Variants in ASTN2 observed in about 807,000 individuals in gnomAD.
ASTN2 encodes astrotactin-2.
ASTN2 carries 54 observed loss-of-function variants against 139.8 expected under a neutral mutation model. That is an observed-to-expected ratio of 0.39 (90% CI 0.31 to 0.48). The LOEUF (loss-of-function observed/expected upper bound fraction) is 0.48, where lower values mean the gene tolerates loss of function less well. Ranked by LOEUF, ASTN2 falls within the 20% of genes least tolerant of loss-of-function variation. ASTN2 has a pLI of 0.95. For missense variants in ASTN2, 1,565 were observed against 1,725.1 expected, an observed-to-expected ratio of 0.91 and a Z score of 1.64; for synonymous variants, 756 against 719.5, an observed-to-expected ratio of 1.05 and a Z score of -0.81.
At chr9:117,285,358 C>T (rs1834423182) in intron 2 of ASTN2, among the ~76,000 whole-genome samples, 1 of 146,654 alleles carries the variant, frequency 6.8e-6, no homozygotes, top group African/African-American at 2.5e-5. Flanking sequence ...GGCAGGTAAA[C>T]CATTCCATGA....
chr9:117,268,845 C>CT (rs1187417474), intron 2 of ASTN2, among the ~76,000 whole-genome samples: 1 of 152,188 alleles, frequency 6.6e-6, no homozygotes, highest in East Asian at 1.9e-4. Flanking sequence ...CTAATAAACT[C>CT]TGTTGACCAA....
At chr9:116,536,372 C>T (rs1044385692) in intron 19 of ASTN2, among the ~76,000 whole-genome samples, 23 of 152,122 alleles carry the variant, frequency 1.5e-4, no homozygotes, top group Non-Finnish European at 2.5e-4. Flanking sequence ...AGTCTTTCTC[C>T]GTCCAGCTTT....
chr9:117,039,179 A>G (rs1026898764), intron 6 of ASTN2, among the ~76,000 whole-genome samples: 5 of 152,152 alleles, frequency 3.3e-5, no homozygotes, highest in African/African-American at 9.7e-5. Flanking sequence ...ATCGTTGCTC[A>G]TAAGTTAAAA....
intron 6 of ASTN2, 58 bp downstream of exon 6, chr9:117,039,761 C>A: frequency 2.0e-6 from 3 of 1,531,246 alleles, no homozygotes; most frequent in South Asian, 2.6e-5. Flanking sequence ...AACCTTTGAC[C>A]AGTCAGGGGT....
intron 20 of ASTN2, among the ~76,000 whole-genome samples, chr9:116,452,162 C>G (rs2118924970): frequency 6.6e-6 from 1 of 152,276 alleles, no homozygotes. Context: ...CACAGAATGC[C>G]CAATTATTCT....
intron 19 of ASTN2, among the ~76,000 whole-genome samples, chr9:116,530,812 T>C (rs1053251612): frequency 6.6e-6 from 1 of 152,170 alleles, no homozygotes; most frequent in Non-Finnish European, 1.5e-5. Context: ...CCTCTCATGA[T>C]TTGAATTGCC....
At chr9:117,084,677 G>T (rs1033174348) in intron 5 of ASTN2, among the ~76,000 whole-genome samples, 2 of 152,176 alleles carry the variant, frequency 1.3e-5, no homozygotes, top group Admixed American at 1.3e-4. Context: ...CCTTATAATG[G>T]TTATCTAAGT....
intron 1 of ASTN2, among the ~76,000 whole-genome samples, chr9:117,347,669 A>T (rs545401853): frequency 1.3e-5 from 2 of 152,300 alleles, no homozygotes; most frequent in South Asian, 2.1e-4. Context: ...TTTTTCTGAA[A>T]ATCAGAAATA....
intron 11 of ASTN2, among the ~76,000 whole-genome samples, chr9:116,828,832 T>C (rs1328859928): frequency 6.6e-6 from 1 of 151,986 alleles, no homozygotes; most frequent in Non-Finnish European, 1.5e-5. Context: ...AGTTTCAAGA[T>C]AAAAAATAAG....
At chr9:117,140,418 T>A (rs1421095942) in intron 4 of ASTN2, among the ~76,000 whole-genome samples, 1 of 151,896 alleles carries the variant, frequency 6.6e-6, no homozygotes, top group Non-Finnish European at 1.5e-5. Context: ...GACTACTAGT[T>A]TTTCTATCTA....
chr9:116,859,959 C>T (rs544156048), intron 11 of ASTN2, among the ~76,000 whole-genome samples: 14 of 152,304 alleles, frequency 9.2e-5, no homozygotes, highest in South Asian at 8.3e-4. Context: ...AACTAGCTGA[C>T]GCACAGAGCC....
intron 20 of ASTN2, among the ~76,000 whole-genome samples, chr9:116,444,514 A>C (rs550871601): frequency 9.2e-5 from 14 of 152,308 alleles, no homozygotes; most frequent in Non-Finnish European, 1.5e-4. Context: ...CTTTGCTCTC[A>C]GCTGCCATTT....
intron 19 of ASTN2, among the ~76,000 whole-genome samples, chr9:116,539,932 G>A (rs1277612929): frequency 6.6e-6 from 1 of 152,136 alleles, no homozygotes; most frequent in African/African-American, 2.4e-5. Flanking sequence ...CTTTCAATGA[G>A]CTCCAAAAAT....
intron 7 of ASTN2, among the ~76,000 whole-genome samples, chr9:116,984,997 A>G (rs1207516847): frequency 6.6e-6 from 1 of 152,204 alleles, no homozygotes; most frequent in Non-Finnish European, 1.5e-5. Context: ...TTCGCGTGAA[A>G]TAACAAGAGG....
intron 19 of ASTN2, chr9:116,612,257 CCA>C (rs2131802715): frequency 6.6e-6 from 1 of 152,158 alleles, no homozygotes; most frequent in East Asian, 1.9e-4. Context: ...ACTTAGACTC[CCA>C]CACAATAATA....
At chr9:116,497,551 C>T (rs888810165) in intron 19 of ASTN2, among the ~76,000 whole-genome samples, 5 of 152,200 alleles carry the variant, frequency 3.3e-5, no homozygotes, top group Admixed American at 6.5e-5. Flanking sequence ...TTAACCTCAA[C>T]ATTAATATGC....
intron 1 of ASTN2, among the ~76,000 whole-genome samples, chr9:117,403,964 G>A (rs1830911351): frequency 6.6e-6 from 1 of 152,184 alleles, no homozygotes; most frequent in Non-Finnish European, 1.5e-5. Context: ...GCATGAGGGA[G>A]TGGAAAGAGG....
At chr9:116,816,116 C>G (rs971590013) in intron 12 of ASTN2, among the ~76,000 whole-genome samples, 5 of 152,214 alleles carry the variant, frequency 3.3e-5, no homozygotes, top group African/African-American at 1.2e-4. Context: ...TAAAATGGCT[C>G]TGATGATTCC....
intron 7 of ASTN2, among the ~76,000 whole-genome samples, chr9:116,981,702 T>G (rs1836517296): frequency 6.6e-6 from 1 of 152,216 alleles, no homozygotes; most frequent in Admixed American, 6.5e-5. Flanking sequence ...TTCTGTACAT[T>G]TTTGACATTA....
Sources: allele counts gnomAD v4.1 joint callset (sites outside exome capture counted in the v4.1 genomes callset), GRCh38; gene constraint gnomAD v4.1.1; transcripts MANE v1.5; gene names NCBI Gene and HGNC (gene_info 2026-07-23, HGNC 2026-07-21).